Variants in NRXN2 observed in about 807,000 individuals in gnomAD.
The protein encoded by NRXN2 is neurexin-2-beta.
In NRXN2, 29 loss-of-function variants were observed where a neutral mutation model predicts 128.8. The observed-to-expected ratio is 0.23, with a 90% CI of 0.17 to 0.31. The LOEUF is 0.31. NRXN2 is among the 10% of genes least tolerant of loss of function. NRXN2 has a pLI of 1.00. For missense variants in NRXN2, 1,881 were observed against 2,452.6 expected (o/e 0.77, Z 4.92); for synonymous variants, 1,098 against 1,075.2 (o/e 1.02, Z -0.41).
chr11:64,712,146 C>T (rs2056967780), intron 2 of NRXN2, among the ~76,000 whole-genome samples: 1 of 152,122 alleles, frequency 6.6e-6, no homozygotes, highest in African/African-American at 2.4e-5. Flanking sequence ...CCCACACTGG[C>T]CTTTCCACAC....
intron 2 of NRXN2, among the ~76,000 whole-genome samples, chr11:64,712,468 C>A (rs539123322): frequency 1.3e-5 from 2 of 151,638 alleles, no homozygotes. Flanking sequence ...CCCACCCACA[C>A]TGGCCTTTCC....
rs1402251735 is a variant in NRXN2 at position 64,714,320 on chromosome 11, C to T, written c.-244-377G>A. Among the ~76,000 whole-genome samples the T allele has an allele frequency of 1.3e-5, 2 of 152,178 alleles. No individual in the cohort carries two copies. Among genetic ancestry groups the T allele is most frequent in the East Asian group, 3.9e-4 (2 of 5,190 alleles). On this transcript the variant is annotated intron_variant, in intron 1 of 22. Transcript: ENST00000265459. The surrounding 1 kb of genome is among the most constrained non-coding windows in gnomAD (Gnocchi z 4.5). ...ACTCTCCTCCGCCTGGTGACCCCAG[C>T]CCCTTCTCTGAACCGCCCAGCCTCT...
At chr11:64,666,028 G>T (rs761865617) in intron 9 of NRXN2, among the ~76,000 whole-genome samples, 1 of 152,080 alleles carries the variant, frequency 6.6e-6, no homozygotes, top group Non-Finnish European at 1.5e-5. Flanking sequence ...CTCACTGCTA[G>T]GTAGGGGTGT....
intron 19 of NRXN2, among the ~76,000 whole-genome samples, chr11:64,628,412 G>A (rs766615522): frequency 5.3e-5 from 8 of 152,186 alleles, no homozygotes; most frequent in Non-Finnish European, 1.2e-4. Flanking sequence ...CTGATGGTCT[G>A]ACCTGCTGGT....
chr11:64,717,831 A>G (rs2057340475), intron 1 of NRXN2, among the ~76,000 whole-genome samples: 1 of 152,196 alleles, frequency 6.6e-6, no homozygotes, highest in African/African-American at 2.4e-5. Context: ...GCCACAGTCC[A>G]GGTAAAGGGT....
chr11:64,617,823 T>C (rs1178008321), intron 22 of NRXN2, among the ~76,000 whole-genome samples: 2 of 152,162 alleles, frequency 1.3e-5, no homozygotes, highest in Non-Finnish European at 2.9e-5. Flanking sequence ...ATTGGGATGA[T>C]GAGGATCCAT....
intron 2 of NRXN2, among the ~76,000 whole-genome samples, chr11:64,705,376 A>G (rs1319854705): frequency 6.6e-6 from 1 of 152,152 alleles, no homozygotes; most frequent in Non-Finnish European, 1.5e-5. Context: ...TGTGGTGATC[A>G]TGAGGACTAA....
chr11:64,704,627 G>C (rs59885931), intron 2 of NRXN2, among the ~76,000 whole-genome samples: 11,353 of 71,442 alleles, frequency 0.16, 425 homozygotes, highest in East Asian at 0.24. Flanking sequence ...CACACACAGA[G>C]AGAGAGAGAG....
chr11:64,626,462 C>A lies in NRXN2; in HGVS notation c.3847+1G>T. ...TTAATTAATTAATTCTGGTTAATTA[C>A]CTTTGTCGAGCAGCCACTCATCTAC... On this transcript the variant is annotated splice_donor_variant, in intron 20 of 22. Coordinates refer to ENST00000265459, the MANE Select transcript of NRXN2 (RefSeq NM_015080.4). LOFTEE classifies it high-confidence loss of function. The A allele has an allele frequency of 6.2e-7, 1 of 1,605,100 alleles. No homozygotes were observed. The highest frequency in any genetic ancestry group is 8.5e-7 in the Non-Finnish European group (1 of 1,171,818).
chr11:64,650,744 A>G, intron 14 of NRXN2, 106 bp from the exon 15 acceptor site: 1 of 1,053,916 alleles, frequency 9.5e-7, no homozygotes, highest in Non-Finnish European at 1.4e-6. Flanking sequence ...CCATGGGAAG[A>G]GGGATTGAAA....
At chr11:64,654,357 T>C (rs975268270) in intron 11 of NRXN2, among the ~76,000 whole-genome samples, 5 of 152,176 alleles carry the variant, frequency 3.3e-5, no homozygotes, top group African/African-American at 1.2e-4. Flanking sequence ...TGGGGATAGA[T>C]CATGGGAGTC....
At chr11:64,710,422 A>C (rs549922562) in intron 2 of NRXN2, among the ~76,000 whole-genome samples, 1 of 152,322 alleles carries the variant, frequency 6.6e-6, no homozygotes, top group Admixed American at 6.5e-5. Flanking sequence ...CGTATTCAGA[A>C]GCATGCACTT....
At chr11:64,642,940 A>G in intron 17 of NRXN2, 1 of 1,022,592 alleles carries the variant, frequency 9.8e-7, no homozygotes, top group Non-Finnish European at 1.2e-6. Flanking sequence ...CCAGGGCCCA[A>G]GCCTCGGTCC....
In NRXN2 at chr11:64,648,588, G is replaced by A. The variant is rs1293630138; in HGVS notation, c.3283+146C>T. ...TGACCCTTCACACACCTGTATCCCT[G>A]CCCCAGAACTGTGGGGGCAAGCTCC... On this transcript the variant is annotated intron_variant, in intron 16 of 22. Transcript: ENST00000265459. This position sits in a 1 kb window ranked among gnomAD's most constrained non-coding sequence, Gnocchi z 4.1. 7 of 1,188,438 alleles carry A rather than the reference G, an allele frequency of 5.9e-6. No homozygotes were observed. The Admixed American group carries it at 7.4e-5, about 13-fold the overall frequency. The allele number at this position is 1,188,438 out of a possible 1,614,324, so 73.6% of individuals were successfully genotyped here. A position where few individuals can be genotyped will look rare whatever the true frequency, so the allele number is the denominator to read the frequency against.
In NRXN2 at chr11:64,661,038, C is replaced by G. The variant is rs373446973; in HGVS notation, c.1900G>C (p.Gly634Arg). ...SELYLGGLPE[G>R]GRVDLPLPPE... ...GGCAGGGGCAGGTCCACCCGGCCCC[C>G]CTCAGGGAGACCGCCCAGGTACAGC... Residue 634 changes from glycine (G) to arginine (R), a missense_variant, in exon 10 of 23, where the codon GGG becomes CGG. Around this residue, in one of 7 missense-constraint regions of NRXN2, gnomAD observed 997 missense variants for 1,240.8 expected, o/e 0.80. Transcript: ENST00000265459. 80 of 1,613,398 alleles carry G rather than the reference C, an allele frequency of 5.0e-5. No homozygotes were observed. Among genetic ancestry groups the G allele is most frequent in the Middle Eastern group, 3.3e-4 (2 of 6,084 alleles).
At chr11:64,627,941 C>T (rs1425782101) in intron 19 of NRXN2, among the ~76,000 whole-genome samples, 2 of 152,128 alleles carry the variant, frequency 1.3e-5, no homozygotes, top group South Asian at 2.1e-4. Flanking sequence ...AAGGTACACA[C>T]GATGTGTTCA....
At position 64,667,917 on chromosome 11, in the gene NRXN2, A is replaced by G. The variant is rs1457619861; in HGVS notation, c.1360-229T>C. On this transcript the variant is annotated intron_variant, in intron 8 of 22. Coordinates refer to ENST00000265459, the MANE Select transcript of NRXN2 (RefSeq NM_015080.4). The surrounding 1 kb of genome is among the most constrained non-coding windows in gnomAD (Gnocchi z 5.6). Reference sequence around the variant, plus strand: ...TCCTGTCTTCTGGCCCAGCAGGAGCATGGTGGCTTGCCTGTGGGTTCTCAG... The same window carrying G: ...TCCTGTCTTCTGGCCCAGCAGGAGCGTGGTGGCTTGCCTGTGGGTTCTCAG... 6.6e-6 allele frequency among the ~76,000 whole-genome samples: 1 copy of G among 151,980 alleles called. No individual in the cohort carries two copies. Among genetic ancestry groups the G allele is most frequent in the Non-Finnish European group, 1.5e-5 (1 of 68,044 alleles).
intron 22 of NRXN2, among the ~76,000 whole-genome samples, chr11:64,610,619 G>A (rs1184070738): frequency 6.6e-6 from 1 of 152,088 alleles, no homozygotes; most frequent in Non-Finnish European, 1.5e-5. Flanking sequence ...ATAAAACTGG[G>A]GTATTAGGCT....
intron 9 of NRXN2, among the ~76,000 whole-genome samples, chr11:64,662,305 A>AGAGGAGGAGGAGGAGG (rs2049145568): frequency 6.6e-6 from 1 of 151,856 alleles, no homozygotes; most frequent in African/African-American, 2.4e-5. Flanking sequence ...AAGAAAAGGA[A>AGAGGAGGAGGAGGAGG]GAGGAGGAGG....
Sources: allele counts gnomAD v4.1 joint callset (sites outside exome capture counted in the v4.1 genomes callset), GRCh38; gene constraint gnomAD v4.1.1; regional missense constraint gnomAD v4.1.1; non-coding constraint Gnocchi (gnomAD v3.1); transcripts MANE v1.5; gene names NCBI Gene and HGNC (gene_info 2026-07-23, HGNC 2026-07-21).